The following XXYLT1 variants were observed in gnomAD, a reference collection of about 807,000 sequenced individuals.
XXYLT1 encodes xyloside xylosyltransferase 1, also known as UDP-xylose:alpha-xyloside alpha-1,3-xylosyltransferase.
Under a neutral mutation model 28.9 loss-of-function variants are expected in XXYLT1, and 20 were observed. The ratio of observed to expected loss-of-function variants is 0.69; its 90% CI spans 0.49 to 1.00. The LOEUF is 1.00. Ranked by LOEUF, XXYLT1 falls within the 50% of genes least tolerant of loss-of-function variation. The pLI, the probability that XXYLT1 is intolerant of heterozygous loss-of-function variation, is 0.00. For synonymous variants in XXYLT1, 257 were observed against 253.8 expected, an observed-to-expected ratio of 1.01 and a Z score of -0.12; for missense variants, 542 against 560.1, an observed-to-expected ratio of 0.97 and a Z score of 0.33.
At chr3:195,128,174 G>T (rs1718732038) in intron 3 of XXYLT1, among the ~76,000 whole-genome samples, 1 of 152,152 alleles carries the variant, frequency 6.6e-6, no homozygotes, top group Non-Finnish European at 1.5e-5. Flanking sequence ...TGCAGTCCTA[G>T]TCTGCTCAGG....
At chr3:195,100,070 A>G (rs1328382689) in intron 3 of XXYLT1, among the ~76,000 whole-genome samples, 3 of 150,746 alleles carry the variant, frequency 2.0e-5, no homozygotes, top group African/African-American at 7.3e-5. Context: ...GGAACTTCCA[A>G]ATTTGCAAAT....
intron 3 of XXYLT1, among the ~76,000 whole-genome samples, chr3:195,108,500 T>C (rs75221532): frequency 0.024 from 3,701 of 151,236 alleles, 131 homozygotes; most frequent in African/African-American, 0.085. Context: ...AACACACATA[T>C]ACAGTCACGC....
intron 1 of XXYLT1, among the ~76,000 whole-genome samples, chr3:195,236,970 G>T (rs1040915739): frequency 3.3e-5 from 5 of 152,150 alleles, no homozygotes; most frequent in African/African-American, 1.2e-4. Flanking sequence ...TACCCAAGTT[G>T]CATGACAAAG....
At chr3:195,143,265 G>A (rs1014161325) in intron 3 of XXYLT1, among the ~76,000 whole-genome samples, 6 of 152,180 alleles carry the variant, frequency 3.9e-5, no homozygotes, top group Non-Finnish European at 7.3e-5. Context: ...AAGCCTTGCG[G>A]GGTGCAGCCC....
rs774393303 is a variant in XXYLT1, at chr3:195,256,598, G to C, written c.504+13957C>G. 1.3e-5 allele frequency: 13 copies of C among 984,356 alleles called. No homozygotes were observed. Among genetic ancestry groups the C allele is most frequent in the African/African-American group, 1.7e-5 (1 of 57,204 alleles). The allele number at this position is 984,356 out of a possible 1,614,324, so 61.0% of individuals were successfully genotyped here. ...ACCCGCACATTCAGGATGGGGTCTG[G>C]AAAGGGCATGAGCTCTGTAAGCCCC... On this transcript the variant is annotated intron_variant, in intron 1 of 3. Transcript: ENST00000310380. This position sits in a 1 kb window ranked among gnomAD's most constrained non-coding sequence, Gnocchi z 4.2.
Position 195,256,673 on chromosome 3 carries a change from G to A in XXYLT1, c.504+13882C>T, listed in dbSNP as rs1054922682. 22 of 742,334 alleles carry A rather than the reference G, an allele frequency of 3.0e-5. No individual in the cohort carries two copies. The highest frequency in any genetic ancestry group is 6.1e-5 in the South Asian group (1 of 16,402). 46.0% of individuals were successfully genotyped at this position (742,334 alleles called of 1,614,324 possible). On this transcript the variant is annotated intron_variant, in intron 1 of 3. Coordinates refer to ENST00000310380, the MANE Select transcript of XXYLT1 (RefSeq NM_152531.5). The surrounding 1 kb of genome is among the most constrained non-coding windows in gnomAD (Gnocchi z 4.2). ...AGAGAACAGACTGTTACTCAGAGCC[G>A]GAGCGTCCCCACTCCTCTTATGATG...
chr3:195,072,058 G>T (rs1714848723), intron 3 of XXYLT1, among the ~76,000 whole-genome samples: 1 of 152,158 alleles, frequency 6.6e-6, no homozygotes. Context: ...CCAGCTGGGG[G>T]TGTGGCCCGT....
chr3:195,126,067 C>T (rs549931746), intron 3 of XXYLT1, among the ~76,000 whole-genome samples: 1 of 152,390 alleles, frequency 6.6e-6, no homozygotes, highest in East Asian at 1.9e-4. Context: ...GCCCAAATCA[C>T]ATGCATGCCA....
intron 1 of XXYLT1, among the ~76,000 whole-genome samples, chr3:195,228,946 G>A (rs140573129): frequency 0.061 from 9,317 of 151,508 alleles, 978 homozygotes; most frequent in African/African-American, 0.21. Flanking sequence ...CCAAATAGCT[G>A]GGATTACAGG....
intron 1 of XXYLT1, among the ~76,000 whole-genome samples, chr3:195,246,695 G>A (rs1400832008): frequency 1.3e-5 from 2 of 152,200 alleles, no homozygotes; most frequent in African/African-American, 4.8e-5. Context: ...GTGAGCAGGG[G>A]TCTGTGCTAT....
At chr3:195,261,719 T>C (rs1725705673) in intron 1 of XXYLT1, among the ~76,000 whole-genome samples, 1 of 152,044 alleles carries the variant, frequency 6.6e-6, no homozygotes, top group South Asian at 2.1e-4. Flanking sequence ...GGTAAATATA[T>C]TAAAAAATAC....
At chr3:195,219,487 A>G (rs1193693697) in intron 2 of XXYLT1, among the ~76,000 whole-genome samples, 2 of 152,230 alleles carry the variant, frequency 1.3e-5, no homozygotes, top group African/African-American at 4.8e-5. Context: ...GCAGGCAGGC[A>G]GGAAGGGAAG....
At chr3:195,120,023 G>A (rs1718265750) in intron 3 of XXYLT1, among the ~76,000 whole-genome samples, 2 of 152,160 alleles carry the variant, frequency 1.3e-5, no homozygotes, top group African/African-American at 2.4e-5. Flanking sequence ...CTGGGGTACC[G>A]GCTGCCTGTC....
chr3:195,100,474 A>G (rs1716715408), intron 3 of XXYLT1, among the ~76,000 whole-genome samples: 1 of 152,084 alleles, frequency 6.6e-6, no homozygotes, highest in East Asian at 1.9e-4. Flanking sequence ...CCCTGGCATC[A>G]GGCTAATGTC....
chr3:195,118,040 C>A (rs1486075434), intron 3 of XXYLT1, among the ~76,000 whole-genome samples: 1 of 152,230 alleles, frequency 6.6e-6, no homozygotes, highest in Admixed American at 6.5e-5. Flanking sequence ...GTCCTGCCCC[C>A]TAGAGCCACA....
At chr3:195,252,278 T>C (rs2108841423) in intron 1 of XXYLT1, among the ~76,000 whole-genome samples, 1 of 152,264 alleles carries the variant, frequency 6.6e-6, no homozygotes, top group African/African-American at 2.4e-5. Context: ...GGGAGTAGGA[T>C]GGAGAAGAAA....
At chr3:195,112,230 G>A (rs147003104) in intron 3 of XXYLT1, among the ~76,000 whole-genome samples, 234 of 152,276 alleles carry the variant, frequency 1.5e-3, no homozygotes, top group Non-Finnish European at 2.0e-3. Context: ...ACTGGAATCC[G>A]GGTCAGGTTC....
intron 1 of XXYLT1, chr3:195,270,062 G>A: frequency 4.4e-6 from 1 of 228,396 alleles, no homozygotes. Context: ...GGTTCACAAT[G>A]AGTTTGACCA....
chr3:195,110,310 G>GTGCA (rs1259211617), intron 3 of XXYLT1, among the ~76,000 whole-genome samples: 6 of 3,086 alleles, frequency 1.9e-3, no homozygotes, highest in African/African-American at 2.4e-3. Context: ...TGGTATATGT[G>GTGCA]TGTGTGGGTG....
Sources: gnomAD v4.1 joint callset for allele counts (sites outside exome capture counted in the v4.1 genomes callset) on GRCh38, gnomAD v4.1.1 for gene constraint, Gnocchi (gnomAD v3.1) non-coding constraint, MANE v1.5 for transcripts, NCBI Gene and HGNC (gene_info 2026-07-23, HGNC 2026-07-21) for gene names.